The following RBFOX1 variants were observed in gnomAD, a reference collection of about 807,000 sequenced individuals.
The protein encoded by RBFOX1 is RNA binding protein fox-1 homolog 1.
In RBFOX1, 8 loss-of-function variants were observed where a neutral mutation model predicts 57.7. The ratio of observed to expected loss-of-function variants is 0.14; its 90% CI spans 0.08 to 0.25. The LOEUF is 0.25. Ranked by LOEUF, RBFOX1 falls within the 10% of genes least tolerant of loss-of-function variation. The probability of loss-of-function intolerance (pLI) is 1.00; values close to 1 mark genes in which losing one functional copy is unlikely to be tolerated. For missense variants in RBFOX1, 611 were observed against 548.5 expected, an observed-to-expected ratio of 1.11 and a Z score of -1.14; for synonymous variants, 326 against 222.4, an observed-to-expected ratio of 1.47 and a Z score of -4.15.
chr16:6,700,866 T>G (rs2061712676), intron 3 of RBFOX1, among the ~76,000 whole-genome samples: 1 of 152,022 alleles, frequency 6.6e-6, no homozygotes, highest in African/African-American at 2.4e-5. Flanking sequence ...CTAGGAGTGT[T>G]TTTAATGCTC....
chr16:5,888,834 A>G (rs1221678779), intron 4 of RBFOX1, among the ~76,000 whole-genome samples: 2 of 151,518 alleles, frequency 1.3e-5, no homozygotes, highest in Non-Finnish European at 2.9e-5. Flanking sequence ...TTGTTGAATT[A>G]AAAGAAACCT....
chr16:7,158,390 G>A (rs1322485869), intron 4 of RBFOX1, among the ~76,000 whole-genome samples: 1 of 152,138 alleles, frequency 6.6e-6, no homozygotes, highest in Admixed American at 6.6e-5. Flanking sequence ...CACAACCAGT[G>A]ATTGATCTTA....
intron 2 of RBFOX1, among the ~76,000 whole-genome samples, chr16:6,546,807 A>G (rs1383378682): frequency 1.3e-5 from 2 of 152,206 alleles, no homozygotes; most frequent in South Asian, 2.1e-4. Context: ...AAATGGGGTC[A>G]TAGGCTCCAT....
chr16:5,979,874 A>T (rs1249398179), intron 4 of RBFOX1, among the ~76,000 whole-genome samples: 2 of 152,130 alleles, frequency 1.3e-5, no homozygotes, highest in South Asian at 2.1e-4. Flanking sequence ...GAAAGAAAGA[A>T]ATTAAAGTGT....
chr16:6,464,067 C>T (rs2094983695), intron 2 of RBFOX1, among the ~76,000 whole-genome samples: 1 of 152,042 alleles, frequency 6.6e-6, no homozygotes, highest in Non-Finnish European at 1.5e-5. Context: ...ATGTTAGTTC[C>T]GAAAATTTTA....
At chr16:5,688,005 T>G (rs1201569473) in intron 3 of RBFOX1, among the ~76,000 whole-genome samples, 2 of 152,168 alleles carry the variant, frequency 1.3e-5, no homozygotes, top group East Asian at 1.9e-4. Context: ...GGCCCAAGTT[T>G]TGGTAAAAAA....
intron 3 of RBFOX1, among the ~76,000 whole-genome samples, chr16:5,612,843 A>C (rs1377585789): frequency 1.3e-5 from 2 of 152,148 alleles, no homozygotes; most frequent in Non-Finnish European, 2.9e-5. Flanking sequence ...TGAGGCAGAA[A>C]CCTAGCTAGG....
intron 2 of RBFOX1, among the ~76,000 whole-genome samples, chr16:5,537,604 C>T (rs1312527079): frequency 6.6e-6 from 1 of 152,146 alleles, no homozygotes; most frequent in African/African-American, 2.4e-5. Context: ...TTATTGCTGG[C>T]TGTAAACTGA....
At chr16:5,691,377 T>C (rs1860341116) in intron 3 of RBFOX1, among the ~76,000 whole-genome samples, 2 of 152,172 alleles carry the variant, frequency 1.3e-5, no homozygotes, top group Admixed American at 1.3e-4. Context: ...CATAGAGCCA[T>C]GCAGCTGGTC....
At chr16:6,527,812 G>T (rs547111233) in intron 2 of RBFOX1, among the ~76,000 whole-genome samples, 2 of 152,102 alleles carry the variant, frequency 1.3e-5, no homozygotes, top group Non-Finnish European at 2.9e-5. Flanking sequence ...GTAGGGTAGG[G>T]ACGTGTGGAT....
At chr16:5,500,196 C>CATTCCATTCT (rs1466822186) in intron 2 of RBFOX1, among the ~76,000 whole-genome samples, 1 of 83,408 alleles carries the variant, frequency 1.2e-5, no homozygotes, top group African/African-American at 1.8e-4. Context: ...TCCCTCCCTT[C>CATTCCATTCT]ATTCCATTCC....
At chr16:7,022,339 C>T (rs552498478) in intron 3 of RBFOX1, among the ~76,000 whole-genome samples, 44 of 151,786 alleles carry the variant, frequency 2.9e-4, no homozygotes, top group African/African-American at 9.9e-4. Flanking sequence ...AGGCATGAAC[C>T]ACCACTGCAC....
intron 3 of RBFOX1, among the ~76,000 whole-genome samples, chr16:6,887,705 C>T (rs1012502113): frequency 3.3e-5 from 5 of 151,722 alleles, no homozygotes; most frequent in African/African-American, 1.2e-4. Flanking sequence ...CTCTGTCACC[C>T]AGGTTGGAGT....
chr16:5,252,792 C>T (rs868743094), intron 1 of RBFOX1, among the ~76,000 whole-genome samples: 4 of 152,264 alleles, frequency 2.6e-5, no homozygotes, highest in South Asian at 4.1e-4. Flanking sequence ...CCAGCTCCTT[C>T]TGCAAGGGGC....
intron 3 of RBFOX1, among the ~76,000 whole-genome samples, chr16:5,657,130 T>C (rs1240698284): frequency 1.3e-5 from 2 of 152,212 alleles, no homozygotes; most frequent in Non-Finnish European, 2.9e-5. Context: ...CTTCTCTGAA[T>C]ATATGTGGTA....
intron 1 of RBFOX1, among the ~76,000 whole-genome samples, chr16:5,405,044 A>C (rs2066824809): frequency 6.6e-6 from 1 of 152,196 alleles, no homozygotes; most frequent in Admixed American, 6.5e-5. Flanking sequence ...TTATTATTCC[A>C]GTCTTACTGA....
chr16:5,357,422 A>G (rs2065421217), intron 1 of RBFOX1, among the ~76,000 whole-genome samples: 1 of 152,220 alleles, frequency 6.6e-6, no homozygotes, highest in Admixed American at 6.5e-5. Context: ...CATTGTTCAC[A>G]AGAGAACAGA....
rs552955850 is a variant in RBFOX1, at chr16:7,008,101, T to A, written c.-15-43956T>A. Among the ~76,000 whole-genome samples the A allele has an allele frequency of 4.7e-4, 72 of 152,318 alleles. No individual in the cohort carries two copies. In the South Asian group the frequency reaches 5.6e-3, roughly 12 times the overall value. ...TCAGCCACAGCTACTCCTCTTGCCC[T>A]TTATTGTTTCATGTACAAGTTCTCA... On this transcript the variant is annotated intron_variant, in intron 3 of 15. Coordinates refer to ENST00000550418, the MANE Select transcript of RBFOX1 (RefSeq NM_018723.4).
chr16:7,314,413 T>G (rs1021165458), intron 4 of RBFOX1, among the ~76,000 whole-genome samples: 2 of 152,170 alleles, frequency 1.3e-5, no homozygotes, highest in Non-Finnish European at 2.9e-5. Context: ...TCAAAAGAAT[T>G]TAGTGCTTTA....
Sources: gnomAD v4.1 joint callset for allele counts (sites outside exome capture counted in the v4.1 genomes callset) on GRCh38, gnomAD v4.1.1 for gene constraint, MANE v1.5 for transcripts, NCBI Gene and HGNC (gene_info 2026-07-23, HGNC 2026-07-21) for gene names.